Variants in UBAP2 observed in about 807,000 individuals in gnomAD.
The protein encoded by UBAP2 is ubiquitin associated protein 2.
Under a neutral mutation model 139.6 loss-of-function variants are expected in UBAP2, and 75 were observed. The observed-to-expected ratio is 0.54, with a 90% CI of 0.45 to 0.65. The LOEUF is 0.65. UBAP2 is among the 30% of genes least tolerant of loss of function. The pLI is 0.00. For synonymous variants in UBAP2, 526 were observed against 526.2 expected (o/e 1.00, Z 0.01); for missense variants, 1,368 against 1,369.6 (o/e 1.00, Z 0.02).
chr9:33,960,202 G>C (rs1425986824), intron 10 of UBAP2, among the ~76,000 whole-genome samples: 1 of 151,944 alleles, frequency 6.6e-6, no homozygotes, highest in South Asian at 2.1e-4. Context: ...GCTTCTCAGA[G>C]TGCTGTTGTG....
intron 1 of UBAP2, among the ~76,000 whole-genome samples, chr9:34,043,871 T>G (rs1340522395): frequency 1.3e-5 from 2 of 151,220 alleles, no homozygotes; most frequent in African/African-American, 4.9e-5. Flanking sequence ...TCCACAACTG[T>G]AATCTCAGCA....
chr9:33,937,560 T>C (rs1824664879), intron 16 of UBAP2, among the ~76,000 whole-genome samples: 1 of 130,090 alleles, frequency 7.7e-6, no homozygotes. Flanking sequence ...TGAGCCAAGA[T>C]CGCACCACTG....
chr9:33,924,371 A>G, intron 22 of UBAP2, 87 bp from the exon 23 acceptor site: 2 of 1,307,054 alleles, frequency 1.5e-6, no homozygotes, highest in Middle Eastern at 1.8e-4. Context: ...TGGTGACGCC[A>G]CACTCCTGAA....
Position 33,996,321 on chromosome 9 carries a change from T to C in UBAP2, c.190A>G (p.Thr64Ala). The C allele has an allele frequency of 6.2e-7, 1 of 1,613,124 alleles. No homozygotes were observed. Among genetic ancestry groups the C allele is most frequent in the Non-Finnish European group, 8.5e-7 (1 of 1,179,610 alleles). The stretch of plus-strand genomic sequence containing the variant: ...ATGCATTCATCCTGATTTTTCCCTG[T>C]CACTTCCATAAGCTAGTGAACATAT... ...EAKVKQLMEVTGKNQDECIVA... is the reference protein window; with the variant it reads ...EAKVKQLMEVAGKNQDECIVA... The change falls in exon 4 of 29, where the codon ACA becomes GCA. Residue 64 changes from threonine (T) to alanine (A), a missense_variant. Coordinates refer to ENST00000379238, the MANE Select transcript of UBAP2 (RefSeq NM_001370062.2).
At position 33,956,098 on chromosome 9, in the gene UBAP2, G is replaced by C. The variant is rs200331065; in HGVS notation, c.847C>G (p.His283Asp). 1 of 1,613,270 alleles carries C rather than the reference G, an allele frequency of 6.2e-7. No individual in the cohort carries two copies. The highest frequency in any genetic ancestry group is 1.1e-5 in the South Asian group (1 of 90,942). Reference sequence around the variant, plus strand: ...ATTTACCTTTGCCCAGGTAAGATGTGATTCTCTGCTGGAGCAGATGAGGCA... The same window carrying C: ...ATTTACCTTTGCCCAGGTAAGATGTCATTCTCTGCTGGAGCAGATGAGGCA... ...FTASSAPAEN[H>D]ILPGQSIDLV... The change falls in exon 11 of 29, where the codon CAC becomes GAC. Residue 283 changes from histidine to aspartate, a missense_variant. Physicochemically the swap from His to Asp is moderately conservative, Grantham distance 81. Transcript: ENST00000379238.
chr9:34,048,141 T>C (rs889670594), intron 1 of UBAP2, among the ~76,000 whole-genome samples: 3 of 152,214 alleles, frequency 2.0e-5, no homozygotes, highest in African/African-American at 7.2e-5. Flanking sequence ...AACTGAGTTG[T>C]AATGCACCAA....
At chr9:33,956,564 A>G (rs1826583519) in intron 10 of UBAP2, among the ~76,000 whole-genome samples, 1 of 152,064 alleles carries the variant, frequency 6.6e-6, no homozygotes, top group African/African-American at 2.4e-5. Context: ...CCTGGCCTCA[A>G]GTGATGCACC....
At chr9:33,980,632 T>A (rs1031438240) in intron 6 of UBAP2, among the ~76,000 whole-genome samples, 1 of 152,094 alleles carries the variant, frequency 6.6e-6, no homozygotes, top group Non-Finnish European at 1.5e-5. Flanking sequence ...GATATCTTTT[T>A]CTGCATAAAG....
intron 1 of UBAP2, among the ~76,000 whole-genome samples, chr9:34,021,928 C>T (rs887895848): frequency 1.3e-4 from 20 of 152,150 alleles, no homozygotes; most frequent in African/African-American, 4.1e-4. Flanking sequence ...GCCACTGTGC[C>T]CGGCCCCATT....
chr9:33,953,232 T>C (rs1202609056), intron 12 of UBAP2, 53 bp downstream of exon 12: 6 of 1,487,520 alleles, frequency 4.0e-6, no homozygotes, highest in South Asian at 1.2e-5. Flanking sequence ...CTAGAATACA[T>C]TTGCTAATGG....
chr9:33,971,414 A>T (rs1827906888), intron 8 of UBAP2, among the ~76,000 whole-genome samples: 1 of 152,208 alleles, frequency 6.6e-6, no homozygotes, highest in African/African-American at 2.4e-5. Flanking sequence ...CAATTACCTT[A>T]TATAGCCTCT....
At chr9:34,002,568 G>A (rs577094182) in intron 2 of UBAP2, among the ~76,000 whole-genome samples, 42 of 152,056 alleles carry the variant, frequency 2.8e-4, no homozygotes, top group African/African-American at 9.9e-4. Context: ...AGTAGAGAAC[G>A]GGTTTCACAA....
At chr9:33,965,807 G>T (rs1244507498) in intron 8 of UBAP2, among the ~76,000 whole-genome samples, 1 of 150,178 alleles carries the variant, frequency 6.7e-6, no homozygotes, top group Non-Finnish European at 1.5e-5. Flanking sequence ...CCAGCACTCT[G>T]AGAGGCCGAG....
At chr9:33,978,728 C>A (rs769508309) in intron 6 of UBAP2, among the ~76,000 whole-genome samples, 13 of 151,842 alleles carry the variant, frequency 8.6e-5, no homozygotes, top group Non-Finnish European at 1.2e-4. Context: ...TGCAATGAGC[C>A]GAGATTGTGC....
At chr9:34,027,837 G>A (rs1419693096) in intron 1 of UBAP2, among the ~76,000 whole-genome samples, 1 of 148,258 alleles carries the variant, frequency 6.7e-6, no homozygotes, top group East Asian at 2.0e-4. Flanking sequence ...ACTCCAGGCT[G>A]GGCGACAGAG....
At chr9:34,039,354 A>G (rs1460099071) in intron 1 of UBAP2, among the ~76,000 whole-genome samples, 4 of 152,174 alleles carry the variant, frequency 2.6e-5, no homozygotes, top group Non-Finnish European at 5.9e-5. Flanking sequence ...TGGGAGGTGT[A>G]CCCAACTGCT....
intron 4 of UBAP2, among the ~76,000 whole-genome samples, chr9:33,993,955 C>G (rs1269003649): frequency 6.7e-6 from 1 of 148,714 alleles, no homozygotes; most frequent in Non-Finnish European, 1.5e-5. Context: ...AGTGCAATGC[C>G]GCGATCTCGG....
At chr9:33,979,576 C>T (rs1270777975) in intron 6 of UBAP2, among the ~76,000 whole-genome samples, 1 of 150,980 alleles carries the variant, frequency 6.6e-6, no homozygotes, top group Non-Finnish European at 1.5e-5. Flanking sequence ...ATTCCCGTCT[C>T]AAAAAATAAA....
chr9:34,022,627 T>C (rs562280323), intron 1 of UBAP2, among the ~76,000 whole-genome samples: 2 of 151,710 alleles, frequency 1.3e-5, no homozygotes, highest in East Asian at 3.9e-4. Flanking sequence ...TTAGTAGAGA[T>C]GGGGTTTCAC....
Sources: allele counts gnomAD v4.1 joint callset (sites outside exome capture counted in the v4.1 genomes callset), GRCh38; gene constraint gnomAD v4.1.1; transcripts MANE v1.5; gene names NCBI Gene and HGNC (gene_info 2026-07-23, HGNC 2026-07-21).